The following QRICH2 variants were observed in gnomAD, a reference collection of about 807,000 sequenced individuals.
The protein encoded by QRICH2 is glutamine-rich protein 2.
QRICH2 carries 119 observed loss-of-function variants against 168.3 expected under a neutral mutation model. The ratio of observed to expected loss-of-function variants is 0.71; its 90% CI spans 0.61 to 0.82. The LOEUF is 0.82. Among genes scored for constraint, QRICH2 ranks in the 40% least tolerant of loss-of-function variants. QRICH2 has a pLI of 0.00. For missense variants in QRICH2, 2,241 were observed against 2,491.6 expected (o/e 0.90, Z 2.14); for synonymous variants, 894 against 951.2 (o/e 0.94, Z 1.11).
chr17:76,274,391 G>A, intron 18 of QRICH2, 131 bp from the exon 19 acceptor site: 1 of 941,780 alleles, frequency 1.1e-6, no homozygotes, highest in Non-Finnish European at 1.6e-6. Context: ...AGGCTGGAGG[G>A]GAGCTGCCGG....
intron 17 of QRICH2, 61 bp from the exon 18 acceptor site, chr17:76,276,008 C>A: frequency 6.3e-7 from 1 of 1,579,908 alleles, no homozygotes; most frequent in East Asian, 2.3e-5. Context: ...CTGTGGGAAC[C>A]CCTGGGGGTG....
rs771712519 is a variant in QRICH2 at position 76,280,960 on chromosome 17, C to T, written c.4264-7G>A. On this transcript the variant is annotated splice_region_variant and splice_polypyrimidine_tract_variant and intron_variant, in intron 8 of 18. Coordinates refer to ENST00000680821, the MANE Select transcript of QRICH2 (RefSeq NM_001388453.1). The surrounding 1 kb of genome is among the most constrained non-coding windows in gnomAD (Gnocchi z 7.4). ...GGCCCAGCAGCTCCTCGTCCTGCGGCAGGAGGGATGGGAAGGCTCTCGGAG... is the reference window on the plus strand; with the variant it reads ...GGCCCAGCAGCTCCTCGTCCTGCGGTAGGAGGGATGGGAAGGCTCTCGGAG... The T allele has an allele frequency of 6.2e-7, 1 of 1,607,218 alleles. No individual in the cohort carries two copies. The highest frequency in any genetic ancestry group is 1.1e-5 in the South Asian group (1 of 91,048).
Position 76,291,001 on chromosome 17 carries a change from C to G in QRICH2, c.3712+14G>C. 6.2e-7 allele frequency: 1 copy of G among 1,604,816 alleles called. No individual in the cohort carries two copies. Among genetic ancestry groups the G allele is most frequent in the South Asian group, 1.1e-5 (1 of 90,730 alleles). On this transcript the variant is annotated intron_variant, in intron 4 of 18. Coordinates refer to ENST00000680821, the MANE Select transcript of QRICH2 (RefSeq NM_001388453.1). ...GAGACAATGGTTTCTCCTCTATCGGCAAGCGGCACCCACCCATCTGTGCCA... is the reference window on the plus strand; with the variant it reads ...GAGACAATGGTTTCTCCTCTATCGGGAAGCGGCACCCACCCATCTGTGCCA...
chr17:76,292,746 C>G lies in QRICH2; in HGVS notation c.1981G>C (p.Val661Leu). 1 of 1,610,722 alleles carries G rather than the reference C, an allele frequency of 6.2e-7. No individual in the cohort carries two copies. Among genetic ancestry groups the G allele is most frequent in the Non-Finnish European group, 8.5e-7 (1 of 1,179,372 alleles). Residue 661 changes from valine (V) to leucine (L), a missense_variant, in exon 4 of 19, where the codon GTA becomes CTA. Physicochemically the swap from Val to Leu is conservative, Grantham distance 32 (BLOSUM62 1). Around this residue, in one of 3 missense-constraint regions of QRICH2, gnomAD observed 2,047 missense variants for 2,303.8 expected, o/e 0.89. Coordinates refer to ENST00000680821, the MANE Select transcript of QRICH2 (RefSeq NM_001388453.1). The part of the protein sequence containing the change: ...VQSGTGQGVL[V>L]QPGVDQPGMV... ...CCAGGCTGATCTACACCAGGCTGTA[C>G]CAAGACACCCTGACCTGTGCCAGAT... is the stretch of plus-strand genomic sequence containing the variant.
At chr17:76,285,384 G>A (rs2143219111) in intron 7 of QRICH2, among the ~76,000 whole-genome samples, 1 of 151,404 alleles carries the variant, frequency 6.6e-6, no homozygotes, top group Middle Eastern at 3.4e-3. Flanking sequence ...CACCCGTCTG[G>A]GCCTCCCAAA....
intron 3 of QRICH2, among the ~76,000 whole-genome samples, chr17:76,300,109 C>T (rs886730687): frequency 4.6e-5 from 7 of 152,050 alleles, no homozygotes; most frequent in African/African-American, 1.2e-4. Context: ...GAATTACAGG[C>T]GTGAGCCACC....
chr17:76,283,456 T>C (rs192231629), intron 7 of QRICH2, among the ~76,000 whole-genome samples: 36 of 152,228 alleles, frequency 2.4e-4, no homozygotes, highest in Admixed American at 6.5e-4. Context: ...CAGCCAGACA[T>C]GAGCTTGGAC....
chr17:76,279,190 C>T (rs1168710501), intron 13 of QRICH2, 48 bp from the exon 14 acceptor site: 11 of 1,487,326 alleles, frequency 7.4e-6, no homozygotes, highest in Non-Finnish European at 8.3e-6. Context: ...GGGACAAGTC[C>T]GGTCCCCCAA....
chr17:76,277,308 AC>A lies in QRICH2; in HGVS notation c.5119del (p.Val1707Ter). On this transcript the variant is annotated frameshift_variant and splice_region_variant, in exon 16 of 19. Coordinates refer to ENST00000680821, the MANE Select transcript of QRICH2 (RefSeq NM_001388453.1). LOFTEE classifies it high-confidence loss of function. Reference protein sequence around the residue: ...QCLGSPCYKRVTDMADYTYST... With the variant: ...QCLGSPCYKRXTDMADYTYST... The stretch of plus-strand genomic sequence containing the variant: ...GTAGGTGTAATCAGCCATATCTGTC[AC>A]CCTGTGATGAAGACAGGATGGAGTC... The A allele has an allele frequency of 6.2e-7, 1 of 1,609,376 alleles. No individual in the cohort carries two copies. Among genetic ancestry groups the A allele is most frequent in the Non-Finnish European group, 8.5e-7 (1 of 1,178,566 alleles).
chr17:76,308,192 AT>A lies in QRICH2; in HGVS notation c.-195del, dbSNP rs2071021226. On this transcript the variant is annotated 5_prime_UTR_variant, in exon 1 of 19. Coordinates refer to ENST00000680821, the MANE Select transcript of QRICH2 (RefSeq NM_001388453.1). The stretch of plus-strand genomic sequence containing the variant: ...CCTCCGCTCCCCGGCGGGGTCCGCG[AT>A]GGCCACCCCTCCGCTGTCTGTCGCT... 1.0e-6 allele frequency: 1 copy of A among 985,252 alleles called. No individual in the cohort carries two copies. Among genetic ancestry groups the A allele is most frequent in the African/African-American group, 1.7e-5 (1 of 57,222 alleles). The allele number at this position is 985,252 out of a possible 1,614,324, so 61.0% of individuals were successfully genotyped here.
intron 7 of QRICH2, among the ~76,000 whole-genome samples, chr17:76,286,156 G>C (rs112327473): frequency 5.4e-5 from 8 of 148,132 alleles, no homozygotes; most frequent in East Asian, 2.0e-4. Context: ...GCCTAGGCGA[G>C]AGAGCAAGAC....
At position 76,274,109 on chromosome 17, in the gene QRICH2, C is replaced by A. The variant is rs186517232; in HGVS notation, c.5634G>T (p.Thr1878=). The change falls in exon 19 of 19, where the codon ACG becomes ACT. Residue 1878 remains threonine (T), a synonymous_variant. Transcript: ENST00000680821. Reference sequence around the variant, plus strand: ...GAGCGGTGCTGGACCGCGGCCCCCGCGTGGGCTCCTCGAGCCCCTCCCCAG... The same window carrying A: ...GAGCGGTGCTGGACCGCGGCCCCCGAGTGGGCTCCTCGAGCCCCTCCCCAG... ...MPPGEGLEEP[T]RGPRSSTAQ 7.0e-4 allele frequency: 1,111 copies of A among 1,584,116 alleles called. 3 individuals carry two copies. Among genetic ancestry groups the A allele is most frequent in the Middle Eastern group, 3.0e-3 (18 of 5,984 alleles).
At chr17:76,303,280 A>G (rs957927056) in intron 3 of QRICH2, among the ~76,000 whole-genome samples, 1 of 152,036 alleles carries the variant, frequency 6.6e-6, no homozygotes, top group Non-Finnish European at 1.5e-5. Context: ...TTGTACCCAG[A>G]TATTTGGCGC....
At chr17:76,302,623 G>A (rs2070925215) in intron 3 of QRICH2, among the ~76,000 whole-genome samples, 1 of 152,106 alleles carries the variant, frequency 6.6e-6, no homozygotes, top group African/African-American at 2.4e-5. Flanking sequence ...CACACTTAGA[G>A]GCTGAAAATG....
rs779097655 is a variant in QRICH2, at chr17:76,277,234, A to G, written c.5194T>C (p.Tyr1732His). Residue 1732 changes from tyrosine (Y) to histidine (H), a missense_variant, in exon 16 of 19, where the codon TAC becomes CAC. Tyr to His is a moderately conservative substitution (Grantham distance 83). This residue lies in a region of QRICH2 where 2,047 missense variants were observed against 2,303.8 expected (regional missense o/e 0.89). Transcript: ENST00000680821. ...AGGTGCTGCGGGCGGCTGCGGTGGT[A>G]GGGGTAGGTGAGGGTGTGGCTGCCC... ...CGGSHTLTYP[Y>H]HRSRPQHLPR... 1.9e-6 allele frequency: 3 copies of G among 1,602,010 alleles called. No individual in the cohort carries two copies. The Admixed American group carries it at 5.4e-5, about 29-fold the overall frequency.
At chr17:76,282,659 C>G (rs1184610197) in intron 7 of QRICH2, among the ~76,000 whole-genome samples, 2 of 152,208 alleles carry the variant, frequency 1.3e-5, no homozygotes, top group African/African-American at 2.4e-5. Flanking sequence ...AAACCCCTTC[C>G]AGGGCAAGTG....
At chr17:76,287,082 ACACAC>A in intron 7 of QRICH2, 105 bp downstream of exon 7, 2 of 323,892 alleles carry the variant, frequency 6.2e-6, no homozygotes, top group Admixed American at 3.8e-5. Context: ...ACACACACAC[ACACAC>A]ATGATGGGAG....
intron 18 of QRICH2, 150 bp downstream of exon 18, chr17:76,275,669 C>A (rs2070661284): frequency 1.0e-6 from 1 of 973,994 alleles, no homozygotes; most frequent in South Asian, 1.7e-5. Context: ...CACTCAGTCA[C>A]TCGGGGTTCC....
At chr17:76,286,119 G>A (rs185519670) in intron 7 of QRICH2, among the ~76,000 whole-genome samples, 46 of 152,010 alleles carry the variant, frequency 3.0e-4, no homozygotes, top group Middle Eastern at 3.4e-3. Flanking sequence ...AGCTTGCAGT[G>A]AGCCGAGATC....
Sources: gnomAD v4.1 joint callset for allele counts (sites outside exome capture counted in the v4.1 genomes callset) on GRCh38, gnomAD v4.1.1 for gene constraint, gnomAD v4.1.1 regional missense constraint, Gnocchi (gnomAD v3.1) non-coding constraint, MANE v1.5 for transcripts, NCBI Gene and HGNC (gene_info 2026-07-23, HGNC 2026-07-21) for gene names.